PDE1C: variants seen among roughly 807,000 people sequenced by gnomAD.
PDE1C encodes the protein phosphodiesterase 1C.
Under a neutral mutation model 93.1 loss-of-function variants are expected in PDE1C, and 62 were observed. The observed-to-expected ratio is 0.67, with a 90% CI of 0.54 to 0.82. PDE1C has a LOEUF of 0.82. Among genes scored for constraint, PDE1C ranks in the 40% least tolerant of loss-of-function variants. The pLI is 0.00. For missense variants in PDE1C, 742 were observed against 884.6 expected, an observed-to-expected ratio of 0.84 and a Z score of 2.04; for synonymous variants, 325 against 310.1, an observed-to-expected ratio of 1.05 and a Z score of -0.50.
chr7:31,759,345 T>A (rs1010093923), intron 17 of PDE1C, among the ~76,000 whole-genome samples: 1 of 151,992 alleles, frequency 6.6e-6, no homozygotes, highest in Non-Finnish European at 1.5e-5. Context: ...TCGGAAGGGG[T>A]CCGACCCTCC....
chr7:32,253,765 C>A (rs1809568739), intron 1 of PDE1C, among the ~76,000 whole-genome samples: 1 of 152,192 alleles, frequency 6.6e-6, no homozygotes, highest in Admixed American at 6.5e-5. Context: ...ACAACAAACA[C>A]AATACGCAGA....
At chr7:31,798,324 T>C (rs569220883) in intron 16 of PDE1C, among the ~76,000 whole-genome samples, 21 of 151,872 alleles carry the variant, frequency 1.4e-4, no homozygotes, top group African/African-American at 4.6e-4. Flanking sequence ...TGCCATTGTG[T>C]AGAGCTCTTC....
chr7:31,662,250 A>G, the PDE1C span, among the ~76,000 whole-genome samples: 26 of 152,356 alleles, frequency 1.7e-4, 1 homozygote, highest in South Asian at 5.4e-3. Context: ...AAATGTCCTT[A>G]AATGGATATA....
chr7:32,256,924 G>A (rs1809834587), intron 1 of PDE1C, among the ~76,000 whole-genome samples: 1 of 152,126 alleles, frequency 6.6e-6, no homozygotes, highest in African/African-American at 2.4e-5. Flanking sequence ...CCTTCTTTGA[G>A]CAGGCCCCCA....
chr7:31,774,177 C>T (rs1795681794), intron 17 of PDE1C, among the ~76,000 whole-genome samples: 1 of 152,056 alleles, frequency 6.6e-6, no homozygotes, highest in Non-Finnish European at 1.5e-5. Flanking sequence ...TTTCACACAC[C>T]ATTGACTGCA....
upstream of PDE1C, among the ~76,000 whole-genome samples, chr7:32,073,715 T>A (rs1460466508): frequency 1.3e-5 from 2 of 152,242 alleles, no homozygotes; most frequent in African/African-American, 4.8e-5. Context: ...TGTTACTACG[T>A]CACTCAGATT....
chr7:32,298,744 C>T (rs1163336601), exon 1 of PDE1C: 5 of 1,584,568 alleles, frequency 3.2e-6, no homozygotes, highest in East Asian at 2.3e-5. Flanking sequence ...ATGGCTCGGC[C>T]GGCCGGGCAG....
chr7:32,229,871 T>C (rs1457107034), intron 1 of PDE1C, among the ~76,000 whole-genome samples: 1 of 152,204 alleles, frequency 6.6e-6, no homozygotes. Flanking sequence ...AAGAGCTAGA[T>C]TATGTAGGCT....
At chr7:32,171,919 G>A (rs1231076685) in intron 2 of PDE1C, among the ~76,000 whole-genome samples, 1 of 147,832 alleles carries the variant, frequency 6.8e-6, no homozygotes, top group Admixed American at 6.9e-5. Flanking sequence ...TGGAACAGAT[G>A]TACCATGCTA....
chr7:32,015,809 T>C (rs1230071479), intron 2 of PDE1C, among the ~76,000 whole-genome samples: 1 of 152,086 alleles, frequency 6.6e-6, no homozygotes, highest in Non-Finnish European at 1.5e-5. Context: ...AAAATATGAA[T>C]AGGTAATTCA....
At chr7:32,059,903 C>T (rs1281149523) in intron 1 of PDE1C, among the ~76,000 whole-genome samples, 1 of 152,240 alleles carries the variant, frequency 6.6e-6, no homozygotes, top group Non-Finnish European at 1.5e-5. Context: ...TTTACAACCA[C>T]TTGCTGTGTT....
At chr7:32,285,554 A>G (rs1811941494) in intron 1 of PDE1C, among the ~76,000 whole-genome samples, 2 of 152,170 alleles carry the variant, frequency 1.3e-5, no homozygotes, top group South Asian at 2.1e-4. Flanking sequence ...TGATGATTGC[A>G]TAACTGTAAA....
intron 1 of PDE1C, among the ~76,000 whole-genome samples, chr7:32,311,488 T>C (rs1019837761): frequency 2.0e-5 from 3 of 152,144 alleles, no homozygotes; most frequent in East Asian, 1.9e-4. Flanking sequence ...TGATGAACAT[T>C]GATGCAAAAA....
At chr7:32,377,701 G>A (rs942944002) in intron 1 of PDE1C, among the ~76,000 whole-genome samples, 3 of 152,120 alleles carry the variant, frequency 2.0e-5, no homozygotes, top group African/African-American at 7.2e-5. Flanking sequence ...TTTAGAAATG[G>A]AGAATTGAGA....
chr7:31,909,937 A>C (rs1302029566), intron 2 of PDE1C, among the ~76,000 whole-genome samples: 1 of 152,090 alleles, frequency 6.6e-6, no homozygotes, highest in Non-Finnish European at 1.5e-5. Context: ...CATGTTTAAC[A>C]ATATCCCTGG....
chr7:32,345,752 T>C (rs941060889), intron 1 of PDE1C, among the ~76,000 whole-genome samples: 1 of 152,172 alleles, frequency 6.6e-6, no homozygotes, highest in African/African-American at 2.4e-5. Context: ...GAAAAAATTT[T>C]CAGTATTATT....
intron 2 of PDE1C, among the ~76,000 whole-genome samples, chr7:31,900,415 C>T (rs1397385309): frequency 7.6e-5 from 11 of 144,576 alleles, no homozygotes; most frequent in East Asian, 2.0e-4. Context: ...TCCTGGCTAC[C>T]TTTTTTTTTT....
intron 3 of PDE1C, among the ~76,000 whole-genome samples, chr7:32,109,010 G>T (rs1264424751): frequency 6.6e-6 from 1 of 152,090 alleles, no homozygotes; most frequent in African/African-American, 2.4e-5. Flanking sequence ...TTGGCCAAAA[G>T]AACATGCATA....
intron 2 of PDE1C, among the ~76,000 whole-genome samples, chr7:31,971,072 G>A (rs566887953): frequency 6.6e-6 from 1 of 152,326 alleles, no homozygotes; most frequent in Non-Finnish European, 1.5e-5. Flanking sequence ...AACCTGGGAA[G>A]CAGAGGTTGC....
Sources: gnomAD v4.1 joint callset for allele counts (sites outside exome capture counted in the v4.1 genomes callset) on GRCh38, gnomAD v4.1.1 for gene constraint, MANE v1.5 for transcripts, NCBI Gene and HGNC (gene_info 2026-07-23, HGNC 2026-07-21) for gene names.